Variants in ATG4A observed in about 807,000 individuals in gnomAD.
ATG4A encodes cysteine protease ATG4A.
Under a neutral mutation model 38.4 loss-of-function variants are expected in ATG4A, and 22 were observed. The observed-to-expected ratio is 0.57, with a 90% confidence interval of 0.41 to 0.82. The LOEUF (loss-of-function observed/expected upper bound fraction) is 0.82, where lower values mean the gene tolerates loss of function less well. ATG4A is among the 40% of genes least tolerant of loss of function. The pLI is 0.00. For synonymous variants in ATG4A, 86 were observed against 100.7 expected (o/e 0.85, Z 0.88); for missense variants, 220 against 290.0 (o/e 0.76, Z 1.75).
chrX:108,091,671 G>C (rs2031625306), upstream of ATG4A: 5 of 917,024 alleles, frequency 5.5e-6, no homozygotes, highest in Non-Finnish European at 7.9e-6. Flanking sequence ...GCCTCTGGGA[G>C]TTGCAGTTTG....
intron 1 of ATG4A, among the ~76,000 whole-genome samples, chrX:108,099,484 G>A (rs748330573): frequency 4.5e-5 from 5 of 111,639 alleles, no homozygotes; most frequent in African/African-American, 1.3e-4. Flanking sequence ...CAGAGAAAGA[G>A]CTTTTAATTT....
At chrX:108,115,426 A>C (rs2032480602) in intron 1 of ATG4A, among the ~76,000 whole-genome samples, 1 of 111,617 alleles carries the variant, frequency 9.0e-6, no homozygotes, top group South Asian at 3.7e-4. Flanking sequence ...CCTCCCAGGT[A>C]ATACCACCTC....
At position 108,151,069 on chromosome X, in the gene ATG4A, G is replaced by C. The variant is rs181375695; in HGVS notation, c.961-733G>C. On this transcript the variant is annotated intron_variant, in intron 10 of 12. Transcript: ENST00000372232. ...TTGTCCTCAAATTATTGCTACCCAG[G>C]CACAGGGAGGAAGATGGGATATCAC... 3.6e-5 allele frequency among the ~76,000 whole-genome samples: 4 copies of C among 112,070 alleles called. No homozygotes were observed. The East Asian group carries it at 1.1e-3, about 31-fold the overall frequency.
At chrX:108,097,605 A>G (rs770533991) in intron 1 of ATG4A, among the ~76,000 whole-genome samples, 7 of 112,309 alleles carry the variant, frequency 6.2e-5, no homozygotes, top group Non-Finnish European at 1.3e-4. Flanking sequence ...GACAGTGCAG[A>G]GAGAGATCAT....
At position 108,134,496 on chromosome X, in the gene ATG4A, G is replaced by C. The variant is rs915599150; in HGVS notation, c.467+85G>C. On this transcript the variant is annotated intron_variant, in intron 6 of 12. Coordinates refer to ENST00000372232, the MANE Select transcript of ATG4A (RefSeq NM_052936.5). ...ACAACTAAACCTCCCATCAACCGAG[G>C]TATTCTTGCAATCCCGCTAAGCTAC... The C allele has an allele frequency of 4.5e-6, 4 of 888,866 alleles. No individual in the cohort carries two copies. In the East Asian group the frequency reaches 1.3e-4, roughly 29 times the overall value. 73.3% of individuals were successfully genotyped at this position (888,866 alleles called of 1,213,427 possible). A position where few individuals can be genotyped will look rare whatever the true frequency, so the allele number is the denominator to read the frequency against.
At chrX:108,128,680 A>G in intron 2 of ATG4A, 101 bp from the exon 3 acceptor site, 1 of 499,013 alleles carries the variant, frequency 2.0e-6, no homozygotes, top group South Asian at 3.9e-5. Flanking sequence ...ATAATAATGG[A>G]ATTGACTGGT....
intron 9 of ATG4A, among the ~76,000 whole-genome samples, chrX:108,142,463 ATG>A (rs1356144687): frequency 9.1e-6 from 1 of 109,841 alleles, no homozygotes; most frequent in Non-Finnish European, 1.9e-5. Flanking sequence ...ATACATATAT[ATG>A]TGTGAATATA....
chrX:108,135,908 C>T (rs961057570), intron 6 of ATG4A, among the ~76,000 whole-genome samples: 4 of 109,033 alleles, frequency 3.7e-5, no homozygotes, highest in Non-Finnish European at 7.6e-5. Flanking sequence ...CTCAGCCTCC[C>T]GAGTAGCTGG....
intron 1 of ATG4A, among the ~76,000 whole-genome samples, chrX:108,124,330 T>C (rs932783191): frequency 8.9e-6 from 1 of 112,891 alleles, no homozygotes; most frequent in African/African-American, 3.2e-5. Context: ...GCAGAGACTA[T>C]CATCTTAATA....
intron 1 of ATG4A, among the ~76,000 whole-genome samples, chrX:108,113,352 A>G (rs1340909372): frequency 8.9e-6 from 1 of 111,812 alleles, no homozygotes. Flanking sequence ...AACAGGCTTC[A>G]GAAGGTGACA....
At chrX:108,135,786 AT>A (rs11346129) in intron 6 of ATG4A, among the ~76,000 whole-genome samples, 41,929 of 98,092 alleles carry the variant, frequency 0.43, 7,520 homozygotes, top group African/African-American at 0.46. Flanking sequence ...GGAAACCTAG[AT>A]TTTTTTTTTT....
chrX:108,104,198 T>TA (rs1290539972), intron 1 of ATG4A, among the ~76,000 whole-genome samples: 1 of 112,596 alleles, frequency 8.9e-6, no homozygotes, highest in African/African-American at 3.2e-5. Context: ...CCACCACTAT[T>TA]ACAGTGTTAC....
At position 108,150,259 on chromosome X, in the gene ATG4A, C is replaced by T. The variant is rs2033553394; in HGVS notation, c.922C>T (p.Arg308Ter). The part of the protein sequence containing the change: ...QTFHCLQSPQ[R>*]MNILNLDPSV... ...TTTCCATTGCCTGCAGTCCCCACAG[C>T]GAATGAACATCCTAAACCTGGATCC... Residue 308 changes from arginine to a stop codon, truncating the protein, a stop_gained, in exon 10 of 13, where the codon CGA becomes TGA. Transcript: ENST00000372232. LOFTEE classifies it high-confidence loss of function. The T allele has an allele frequency of 2.5e-6, 3 of 1,210,663 alleles. No homozygotes were observed. Among genetic ancestry groups the T allele is most frequent in the Non-Finnish European group, 3.4e-6 (3 of 895,371 alleles).
chrX:108,153,969 TC>T lies in ATG4A; in HGVS notation c.*260del, dbSNP rs771946645. The T allele has an allele frequency of 1.9e-5, 5 of 265,830 alleles. No homozygotes were observed. The East Asian group carries it at 3.4e-4, about 18-fold the overall frequency. 21.9% of individuals were successfully genotyped at this position (265,830 alleles called of 1,213,427 possible). A position where few individuals can be genotyped will look rare whatever the true frequency, so the allele number is the denominator to read the frequency against. ...GAGAGATGAGGAGGAGTTCATTGCT[TC>T]CCAGCTTGTGTTATATGGCTACAGC... On this transcript the variant is annotated 3_prime_UTR_variant, in exon 13 of 13. Transcript: ENST00000372232.
At chrX:108,088,990 ATTAC>A (rs940684279), upstream of ATG4A, 5 of 404,109 alleles carry the variant, frequency 1.2e-5, no homozygotes, top group South Asian at 1.2e-4. Flanking sequence ...CTTAAACTAT[ATTAC>A]TTACTGGTAT....
At chrX:108,113,991 T>C (rs897328522) in intron 1 of ATG4A, among the ~76,000 whole-genome samples, 2 of 112,075 alleles carry the variant, frequency 1.8e-5, no homozygotes, top group African/African-American at 6.5e-5. Context: ...TGGCTAGAGA[T>C]GCATCTAAAA....
chrX:108,091,468 T>C (rs1327612314), upstream of ATG4A: 1 of 1,212,521 alleles, frequency 8.2e-7, no homozygotes. Flanking sequence ...CTCTTCCAGC[T>C]TCCCGCTGTA....
intron 1 of ATG4A, among the ~76,000 whole-genome samples, chrX:108,104,046 C>T (rs2032099592): frequency 9.0e-6 from 1 of 111,718 alleles, no homozygotes; most frequent in Admixed American, 9.5e-5. Flanking sequence ...GGGATTTCAC[C>T]ATGTTGGCTA....
At chrX:108,100,098 C>G (rs141622993) in intron 1 of ATG4A, among the ~76,000 whole-genome samples, 1 of 111,461 alleles carries the variant, frequency 9.0e-6, no homozygotes, top group African/African-American at 3.3e-5. Context: ...CACCATATGT[C>G]TCTCCCTTTA....
Sources: allele counts gnomAD v4.1 joint callset (sites outside exome capture counted in the v4.1 genomes callset), GRCh38; gene constraint gnomAD v4.1.1; transcripts MANE v1.5; gene names NCBI Gene and HGNC (gene_info 2026-07-23, HGNC 2026-07-21).